Variants in SIPA1L3 observed in about 807,000 individuals in gnomAD.
SIPA1L3 encodes signal induced proliferation associated 1 like 3.
A neutral mutation model predicts 150.1 loss-of-function variants in SIPA1L3; 59 were observed. That is an observed-to-expected ratio of 0.39 (90% CI 0.32 to 0.49). The LOEUF (loss-of-function observed/expected upper bound fraction) is 0.49, where lower values mean the gene tolerates loss of function less well. SIPA1L3 is among the 20% of genes least tolerant of loss of function. The probability of loss-of-function intolerance (pLI) is 0.86; values close to 1 mark genes in which losing one functional copy is unlikely to be tolerated. For synonymous variants in SIPA1L3, 1,070 were observed against 1,077.6 expected (o/e 0.99, Z 0.14); for missense variants, 2,211 against 2,489.5 (o/e 0.89, Z 2.38).
chr19:37,958,711 A>T lies in SIPA1L3; in HGVS notation c.-379+51353A>T, dbSNP rs575338531. ...ACATTGGACTTCATGAAAATTTAAA[A>T]CTTTTGTGATGCAAAGGATGCCATC... On this transcript the variant is annotated intron_variant, in intron 1 of 21. Transcript: ENST00000222345. Among the ~76,000 whole-genome samples the T allele has an allele frequency of 2.0e-5, 3 of 152,326 alleles. No homozygotes were observed. In the South Asian group the frequency reaches 6.2e-4, roughly 32 times the overall value.
chr19:38,142,750 TGA>T, intron 12 of SIPA1L3, 40 bp downstream of exon 12: 1 of 1,581,438 alleles, frequency 6.3e-7, no homozygotes, highest in Non-Finnish European at 8.6e-7. Context: ...AGGGATCTGA[TGA>T]AAGCTGTGCC....
intron 2 of SIPA1L3, among the ~76,000 whole-genome samples, chr19:38,035,588 G>T (rs1968763062): frequency 6.6e-6 from 1 of 152,192 alleles, no homozygotes; most frequent in Non-Finnish European, 1.5e-5. Context: ...CCCGTGACTA[G>T]CCCTAAATGG....
At chr19:38,088,899 C>T in intron 4 of SIPA1L3, 48 bp downstream of exon 4, 1 of 1,596,666 alleles carries the variant, frequency 6.3e-7, no homozygotes, top group Non-Finnish European at 8.6e-7. Context: ...TAGCCACTCA[C>T]ATCTCGAGCC....
At position 37,962,409 on chromosome 19, in the gene SIPA1L3, G is replaced by A. The variant is rs1021568726; in HGVS notation, c.-379+55051G>A. On this transcript the variant is annotated intron_variant, in intron 1 of 21. Coordinates refer to ENST00000222345, the MANE Select transcript of SIPA1L3 (RefSeq NM_015073.3). ...TCTGCCCGCCTCGGCCTCTGAAAGTGCTGGGGTTACAGGTGTGAGCCACCG... is the reference window on the plus strand; with the variant it reads ...TCTGCCCGCCTCGGCCTCTGAAAGTACTGGGGTTACAGGTGTGAGCCACCG... Among the ~76,000 whole-genome samples the A allele has an allele frequency of 6.1e-5, 9 of 148,360 alleles. No individual in the cohort carries two copies. In the East Asian group the frequency reaches 1.7e-3, roughly 27 times the overall value.
At chr19:37,986,443 C>T (rs1218296529) in intron 1 of SIPA1L3, among the ~76,000 whole-genome samples, 3 of 152,232 alleles carry the variant, frequency 2.0e-5, no homozygotes, top group Admixed American at 2.0e-4. Flanking sequence ...CCGGTTCTTG[C>T]CCAGGAGCTT....
chr19:38,126,749 C>T (rs1323222994), intron 9 of SIPA1L3, among the ~76,000 whole-genome samples: 2 of 151,918 alleles, frequency 1.3e-5, no homozygotes, highest in South Asian at 2.1e-4. Context: ...TTGCCCAGGC[C>T]GGTCTTGAAC....
At chr19:37,992,980 C>T (rs1000740384) in intron 1 of SIPA1L3, among the ~76,000 whole-genome samples, 6 of 152,262 alleles carry the variant, frequency 3.9e-5, no homozygotes, top group Admixed American at 6.5e-5. Context: ...GCTGCGTGAC[C>T]CCGGCAGGAT....
At chr19:38,154,219 AT>A (rs1214213348) in intron 13 of SIPA1L3, among the ~76,000 whole-genome samples, 1 of 152,200 alleles carries the variant, frequency 6.6e-6, no homozygotes, top group Non-Finnish European at 1.5e-5. Context: ...TGTACATGGT[AT>A]CGCAGTATCT....
At chr19:38,171,389 T>TC (rs1476705012) in intron 15 of SIPA1L3, among the ~76,000 whole-genome samples, 1 of 144,300 alleles carries the variant, frequency 6.9e-6, no homozygotes, top group Admixed American at 6.9e-5. Context: ...CCAAAACTTT[T>TC]TTTTTTTTTT....
intron 1 of SIPA1L3, among the ~76,000 whole-genome samples, chr19:37,982,725 G>A (rs1967232869): frequency 6.6e-6 from 1 of 152,198 alleles, no homozygotes; most frequent in Non-Finnish European, 1.5e-5. Flanking sequence ...GCCTCCAAGG[G>A]CTGTATAGTG....
At chr19:38,202,404 A>G (rs1405280483) in intron 20 of SIPA1L3, among the ~76,000 whole-genome samples, 1 of 151,778 alleles carries the variant, frequency 6.6e-6, no homozygotes, top group African/African-American at 2.4e-5. Flanking sequence ...CCTGACCAAC[A>G]TGGTGAAACC....
chr19:38,150,170 C>A (rs1971786183), intron 12 of SIPA1L3, among the ~76,000 whole-genome samples: 1 of 152,170 alleles, frequency 6.6e-6, no homozygotes, highest in African/African-American at 2.4e-5. Flanking sequence ...ACGTTTCGTA[C>A]TTCCTGTGTT....
chr19:38,045,693 A>G (rs541119674), intron 2 of SIPA1L3, among the ~76,000 whole-genome samples: 1 of 152,146 alleles, frequency 6.6e-6, no homozygotes, highest in South Asian at 2.1e-4. Context: ...TTTCTGAAGA[A>G]GCAACCTGTG....
chr19:37,965,458 G>A (rs1238431400), intron 1 of SIPA1L3, among the ~76,000 whole-genome samples: 1 of 151,906 alleles, frequency 6.6e-6, no homozygotes, highest in Non-Finnish European at 1.5e-5. Flanking sequence ...TGGGATTACA[G>A]GCGCGTGCCA....
chr19:38,033,788 T>G (rs928332327), intron 2 of SIPA1L3, among the ~76,000 whole-genome samples: 1 of 152,168 alleles, frequency 6.6e-6, no homozygotes, highest in East Asian at 1.9e-4. Flanking sequence ...AAGCACTGTA[T>G]GGCTCAGCCA....
At chr19:37,982,225 A>C (rs1967218582) in intron 1 of SIPA1L3, among the ~76,000 whole-genome samples, 1 of 152,190 alleles carries the variant, frequency 6.6e-6, no homozygotes. Flanking sequence ...GCAGCCAGAG[A>C]AAGGCGGCAG....
intron 3 of SIPA1L3, among the ~76,000 whole-genome samples, chr19:38,088,383 T>A (rs1185050361): frequency 6.6e-6 from 1 of 152,282 alleles, no homozygotes; most frequent in Non-Finnish European, 1.5e-5. Context: ...GTTGATGGCA[T>A]GCCATGCACT....
chr19:38,097,747 G>A (rs1032437034), intron 4 of SIPA1L3, among the ~76,000 whole-genome samples: 1 of 152,192 alleles, frequency 6.6e-6, no homozygotes, highest in Non-Finnish European at 1.5e-5. Context: ...AGTAGAGACA[G>A]GGTTTCACCC....
intron 1 of SIPA1L3, among the ~76,000 whole-genome samples, chr19:37,938,600 C>T (rs1390204644): frequency 6.7e-6 from 1 of 150,096 alleles, no homozygotes; most frequent in Non-Finnish European, 1.5e-5. Context: ...ATCACATCTG[C>T]TTCTTTTTCT....
Sources: allele counts gnomAD v4.1 joint callset (sites outside exome capture counted in the v4.1 genomes callset), GRCh38; gene constraint gnomAD v4.1.1; transcripts MANE v1.5; gene names NCBI Gene and HGNC (gene_info 2026-07-23, HGNC 2026-07-21).